The following BRWD3 variants were observed in gnomAD, a reference collection of about 807,000 sequenced individuals.
BRWD3 encodes the protein bromodomain and WD repeat-containing protein 3.
BRWD3 carries 10 observed loss-of-function variants against 149.7 expected under a neutral mutation model. The observed-to-expected ratio is 0.07, with a 90% CI of 0.04 to 0.11. The LOEUF (loss-of-function observed/expected upper bound fraction) is 0.11, where lower values mean the gene tolerates loss of function less well. Among genes scored for constraint, BRWD3 ranks in the 10% least tolerant of loss-of-function variants. BRWD3 has a pLI of 1.00. For missense variants in BRWD3, 940 were observed against 1,373.2 expected, an observed-to-expected ratio of 0.68 and a Z score of 4.99; for synonymous variants, 504 against 456.7, an observed-to-expected ratio of 1.10 and a Z score of -1.32.
chrX:80,789,821 C>CTTT (rs376981904), intron 6 of BRWD3, among the ~76,000 whole-genome samples: 26 of 100,214 alleles, frequency 2.6e-4, no homozygotes, highest in Admixed American at 2.0e-3. Context: ...CATGGAACTC[C>CTTT]TTTTTTTTTT....
intron 6 of BRWD3, among the ~76,000 whole-genome samples, chrX:80,764,408 T>C (rs1187661834): frequency 9.0e-6 from 1 of 110,810 alleles, no homozygotes; most frequent in Middle Eastern, 4.3e-3. Flanking sequence ...TGGGTTCAAG[T>C]GATTCTCCTG....
chrX:80,795,476 T>C (rs1295873690), intron 4 of BRWD3, among the ~76,000 whole-genome samples: 1 of 109,831 alleles, frequency 9.1e-6, no homozygotes, highest in Non-Finnish European at 1.9e-5. Context: ...TACCTATGTA[T>C]ATCTATACAT....
chrX:80,711,692 C>G lies in BRWD3; in HGVS notation c.2326-2115G>C, dbSNP rs1444521983. Among the ~76,000 whole-genome samples, 8 of 112,044 alleles carry G rather than the reference C, an allele frequency of 7.1e-5. No homozygotes were observed. The East Asian group carries it at 2.2e-3, about 31-fold the overall frequency. Reference sequence around the variant, plus strand: ...GGTCTCTAAAATTCCTTATCTAAACCCAGACATTTCCTTCCATTGATTCTA... The same window carrying G: ...GGTCTCTAAAATTCCTTATCTAAACGCAGACATTTCCTTCCATTGATTCTA... On this transcript the variant is annotated intron_variant, in intron 20 of 40. Coordinates refer to ENST00000373275, the MANE Select transcript of BRWD3 (RefSeq NM_153252.5).
At chrX:80,700,329 T>C (rs2072763316) in intron 24 of BRWD3, among the ~76,000 whole-genome samples, 3 of 102,717 alleles carry the variant, frequency 2.9e-5, no homozygotes, top group Non-Finnish European at 4.0e-5. Context: ...AGCAGATTCA[T>C]GGAAAATGTA....
intron 6 of BRWD3, among the ~76,000 whole-genome samples, chrX:80,774,511 T>C (rs2073980614): frequency 9.0e-6 from 1 of 110,747 alleles, no homozygotes; most frequent in Non-Finnish European, 1.9e-5. Context: ...CCTACTCACA[T>C]ACTAATTACT....
At chrX:80,687,081 T>C in intron 34 of BRWD3, 78 bp from the exon 35 acceptor site, 4 of 807,911 alleles carry the variant, frequency 5.0e-6, no homozygotes, top group Non-Finnish European at 7.0e-6. Context: ...CTAATGTTAA[T>C]ATACCTATCT....
Position 80,717,734 on chromosome X carries a change from T to A in BRWD3, c.2070A>T (p.Ile690=). Reference sequence around the variant, plus strand: ...GAAGCCTGATGTTTGGGGAAGAAGATATGTCCATGTTTGGACTTCTCAGAG... The same window carrying A: ...GAAGCCTGATGTTTGGGGAAGAAGAAATGTCCATGTTTGGACTTCTCAGAG... The part of the protein sequence containing the change: ...NGALRSPNMD[I]SSSPNIRLRR... Residue 690 remains isoleucine (I), a synonymous_variant, in exon 19 of 41, where the codon ATA becomes ATT. Transcript: ENST00000373275. 1 of 1,211,316 alleles carries A rather than the reference T, an allele frequency of 8.3e-7. No homozygotes were observed. The highest frequency in any genetic ancestry group is 1.1e-6 in the Non-Finnish European group (1 of 895,119).
At chrX:80,767,373 T>G (rs913681385) in intron 6 of BRWD3, among the ~76,000 whole-genome samples, 3 of 111,257 alleles carry the variant, frequency 2.7e-5, no homozygotes, top group Non-Finnish European at 5.7e-5. Flanking sequence ...GCAGCAATAT[T>G]TTGCTGTTCT....
At chrX:80,725,663 A>G (rs1380539369) in intron 14 of BRWD3, among the ~76,000 whole-genome samples, 2 of 112,398 alleles carry the variant, frequency 1.8e-5, no homozygotes, top group Non-Finnish European at 3.8e-5. Flanking sequence ...TACATGTGTT[A>G]CATGCCTATA....
At chrX:80,681,297 A>G (rs1224023451) in intron 40 of BRWD3, 44 bp downstream of exon 40, 2 of 1,168,697 alleles carry the variant, frequency 1.7e-6, no homozygotes, top group Non-Finnish European at 2.3e-6. Flanking sequence ...CTGCTATCAT[A>G]AAGAAATAAA....
intron 8 of BRWD3, among the ~76,000 whole-genome samples, chrX:80,741,612 T>G (rs2073506241): frequency 8.9e-6 from 1 of 112,122 alleles, no homozygotes; most frequent in African/African-American, 3.2e-5. Context: ...CTAACTGGTG[T>G]GAGATGGTAT....
At chrX:80,749,534 G>T (rs143465445) in intron 6 of BRWD3, among the ~76,000 whole-genome samples, 1 of 110,865 alleles carries the variant, frequency 9.0e-6, no homozygotes, top group Non-Finnish European at 1.9e-5. Context: ...CATTTGTATG[G>T]AACATATTTT....
chrX:80,711,097 A>G (rs151174125), intron 20 of BRWD3, among the ~76,000 whole-genome samples: 3,179 of 112,061 alleles, frequency 0.028, 55 homozygotes, highest in Middle Eastern at 0.075. Flanking sequence ...ATGAAGCAAG[A>G]CATTTCAGTC....
chrX:80,717,559 C>G lies in BRWD3; in HGVS notation c.2231+14G>C. 8.3e-7 allele frequency: 1 copy of G among 1,204,202 alleles called. No individual in the cohort carries two copies. Among genetic ancestry groups the G allele is most frequent in the East Asian group, 3.0e-5 (1 of 33,812 alleles). On this transcript the variant is annotated intron_variant, in intron 19 of 40. Coordinates refer to ENST00000373275, the MANE Select transcript of BRWD3 (RefSeq NM_153252.5). ...GCTTTAAATTTTTTTCTAAATGTTACCTTATTGACTCACCTACTAACCCCA... is the reference window on the plus strand; with the variant it reads ...GCTTTAAATTTTTTTCTAAATGTTAGCTTATTGACTCACCTACTAACCCCA...
intron 6 of BRWD3, among the ~76,000 whole-genome samples, chrX:80,776,324 T>C (rs1351339060): frequency 1.8e-5 from 2 of 111,946 alleles, no homozygotes; most frequent in Non-Finnish European, 3.8e-5. Flanking sequence ...AAAAAAAATA[T>C]GTTTGTATTA....
chrX:80,734,059 T>A, intron 11 of BRWD3, 59 bp downstream of exon 11: 3 of 846,803 alleles, frequency 3.5e-6, no homozygotes, highest in Non-Finnish European at 5.3e-6. Context: ...AGAAAAGAAA[T>A]GAAATAAGCT....
chrX:80,737,700 T>C (rs954838326), intron 8 of BRWD3, among the ~76,000 whole-genome samples: 1 of 112,103 alleles, frequency 8.9e-6, no homozygotes, highest in African/African-American at 3.2e-5. Context: ...CTGGGCATGG[T>C]GGCACATGCC....
intron 6 of BRWD3, among the ~76,000 whole-genome samples, chrX:80,766,817 C>T (rs768301113): frequency 5.3e-5 from 6 of 112,357 alleles, no homozygotes; most frequent in East Asian, 5.6e-4. Flanking sequence ...CACTGCCTCA[C>T]GCCGGAAGTG....
intron 11 of BRWD3, 97 bp from the exon 12 acceptor site, chrX:80,733,593 T>C: frequency 7.7e-6 from 5 of 647,427 alleles, no homozygotes; most frequent in Non-Finnish European, 1.2e-5. Flanking sequence ...CATCATGAAG[T>C]AGTTTTTTTT....
Sources: gnomAD v4.1 joint callset for allele counts (sites outside exome capture counted in the v4.1 genomes callset) on GRCh38, gnomAD v4.1.1 for gene constraint, MANE v1.5 for transcripts, NCBI Gene and HGNC (gene_info 2026-07-23, HGNC 2026-07-21) for gene names.